CNTN3: variants seen among roughly 807,000 people sequenced by gnomAD.
The protein encoded by CNTN3 is contactin 3.
In CNTN3, 60 loss-of-function variants were observed where a neutral mutation model predicts 119.1. The ratio of observed to expected loss-of-function variants is 0.50; its 90% CI spans 0.41 to 0.62. The LOEUF (loss-of-function observed/expected upper bound fraction) is 0.62, where lower values mean the gene tolerates loss of function less well. CNTN3 is among the 20% of genes least tolerant of loss of function. The pLI is 0.00. For synonymous variants in CNTN3, 450 were observed against 438.7 expected, an observed-to-expected ratio of 1.03 and a Z score of -0.32; for missense variants, 1,101 against 1,242.4, an observed-to-expected ratio of 0.89 and a Z score of 1.71.
intron 22 of CNTN3, among the ~76,000 whole-genome samples, chr3:74,265,909 G>A (rs569832473): frequency 9.0e-4 from 137 of 152,082 alleles, no homozygotes; most frequent in Non-Finnish European, 1.6e-3. Flanking sequence ...GATAAAATAC[G>A]CAAACCAAAG....
chr3:74,610,017 A>G (rs1705054092), intron 1 of CNTN3, among the ~76,000 whole-genome samples: 1 of 152,104 alleles, frequency 6.6e-6, no homozygotes. Context: ...CTAAGGGATG[A>G]GTAGCAGTCA....
At chr3:74,564,120 T>C (rs1299554035) in intron 1 of CNTN3, among the ~76,000 whole-genome samples, 1 of 152,124 alleles carries the variant, frequency 6.6e-6, no homozygotes, top group East Asian at 1.9e-4. Context: ...TACTCTGGTG[T>C]GTACAATGCT....
At chr3:74,610,338 A>G (rs954136373) in intron 1 of CNTN3, among the ~76,000 whole-genome samples, 60 of 151,114 alleles carry the variant, frequency 4.0e-4, no homozygotes, top group Non-Finnish European at 6.8e-4. Context: ...ACAAAAATGA[A>G]AAAAAAAACC....
chr3:74,388,669 C>T (rs1161778277), intron 5 of CNTN3, among the ~76,000 whole-genome samples: 1 of 151,830 alleles, frequency 6.6e-6, no homozygotes, highest in African/African-American at 2.4e-5. Flanking sequence ...CACAATATAC[C>T]CTACCCTTTT....
chr3:74,369,261 C>A lies in CNTN3; in HGVS notation c.874G>T (p.Ala292Ser). The change falls in exon 8 of 23, where the codon GCA (alanine) becomes TCA (serine). Residue 292 changes from alanine (A) to serine (S), a missense_variant. Coordinates refer to ENST00000263665, the MANE Select transcript of CNTN3 (RefSeq NM_020872.3). ...LEIPNFQQED[A>S]GSYECIAENS... Reference sequence around the variant, plus strand: ...TCAGCAATGCATTCATAGGAACCTGCATCTTCCTGTTGGAAGTTGGGGATT... The same window carrying A: ...TCAGCAATGCATTCATAGGAACCTGAATCTTCCTGTTGGAAGTTGGGGATT... 6.2e-7 allele frequency: 1 copy of A among 1,611,614 alleles called. No homozygotes were observed. The highest frequency in any genetic ancestry group is 8.5e-7 in the Non-Finnish European group (1 of 1,178,830).
chr3:74,553,545 CCCA>C (rs1704024820), intron 1 of CNTN3, among the ~76,000 whole-genome samples: 2 of 152,286 alleles, frequency 1.3e-5, no homozygotes, highest in East Asian at 3.9e-4. Flanking sequence ...AATTTACACT[CCCA>C]CCAACAGTGT....
intron 1 of CNTN3, among the ~76,000 whole-genome samples, chr3:74,576,727 C>T (rs1704423879): frequency 6.6e-6 from 1 of 151,856 alleles, no homozygotes; most frequent in African/African-American, 2.4e-5. Flanking sequence ...AATCTCCTGA[C>T]CTGTAATGAT....
chr3:74,378,958 T>C (rs367559949), intron 5 of CNTN3, among the ~76,000 whole-genome samples: 28 of 152,324 alleles, frequency 1.8e-4, no homozygotes, highest in African/African-American at 6.5e-4. Flanking sequence ...TCTCTTGTTT[T>C]AGTCTCTGCT....
At chr3:74,574,528 T>A (rs933687350) in intron 1 of CNTN3, among the ~76,000 whole-genome samples, 4 of 152,160 alleles carry the variant, frequency 2.6e-5, no homozygotes, top group African/African-American at 9.7e-5. Context: ...CACGTTTAGG[T>A]TTAGTTTAAT....
At chr3:74,343,162 G>A (rs755942278) in intron 11 of CNTN3, among the ~76,000 whole-genome samples, 91 of 152,296 alleles carry the variant, frequency 6.0e-4, no homozygotes, top group Non-Finnish European at 1.1e-3. Flanking sequence ...CTGCTTAGAT[G>A]AGCGACAATG....
intron 5 of CNTN3, among the ~76,000 whole-genome samples, chr3:74,404,208 G>A (rs1224640679): frequency 6.6e-6 from 1 of 152,034 alleles, no homozygotes; most frequent in African/African-American, 2.4e-5. Flanking sequence ...ATCTTTATGA[G>A]GAGTTCTTTA....
chr3:74,568,602 A>AG (rs892887311), intron 1 of CNTN3, among the ~76,000 whole-genome samples: 10 of 152,202 alleles, frequency 6.6e-5, no homozygotes, highest in African/African-American at 2.4e-4. Context: ...AAGCTAAACA[A>AG]GGCCTACCTC....
At chr3:74,491,164 G>A (rs1174824667) in intron 3 of CNTN3, among the ~76,000 whole-genome samples, 3 of 152,038 alleles carry the variant, frequency 2.0e-5, no homozygotes, top group Non-Finnish European at 4.4e-5. Flanking sequence ...TCATATTTGG[G>A]ACTGATTTCT....
chr3:74,358,165 AAAC>A (rs1703984419), intron 11 of CNTN3, among the ~76,000 whole-genome samples: 1 of 152,182 alleles, frequency 6.6e-6, no homozygotes, highest in Non-Finnish European at 1.5e-5. Context: ...AAAAAGATAA[AAAC>A]AAAATTCAAA....
chr3:74,367,493 C>T (rs1704227964), intron 8 of CNTN3, among the ~76,000 whole-genome samples: 1 of 151,964 alleles, frequency 6.6e-6, no homozygotes, highest in African/African-American at 2.4e-5. Flanking sequence ...TTTCTCCTTG[C>T]CACTGATTGG....
At chr3:74,479,858 C>T (rs917442775) in intron 4 of CNTN3, among the ~76,000 whole-genome samples, 1 of 152,040 alleles carries the variant, frequency 6.6e-6, no homozygotes, top group Non-Finnish European at 1.5e-5. Flanking sequence ...TATCTGATTA[C>T]ATCTCAATAC....
chr3:74,440,972 C>T (rs1428077528), intron 4 of CNTN3, among the ~76,000 whole-genome samples: 1 of 152,050 alleles, frequency 6.6e-6, no homozygotes, highest in African/African-American at 2.4e-5. Context: ...CCATGAGAGT[C>T]CTGGAAACAA....
intron 1 of CNTN3, among the ~76,000 whole-genome samples, chr3:74,567,157 A>C (rs1205724356): frequency 6.6e-6 from 1 of 151,702 alleles, no homozygotes; most frequent in Non-Finnish European, 1.5e-5. Flanking sequence ...TTTTTAATTT[A>C]TTTGAGACAG....
chr3:74,541,542 T>C (rs1703843355), intron 1 of CNTN3, among the ~76,000 whole-genome samples: 1 of 152,092 alleles, frequency 6.6e-6, no homozygotes, highest in Non-Finnish European at 1.5e-5. Context: ...TTAACAATTG[T>C]AGAGTTACAT....
Sources: gnomAD v4.1 joint callset for allele counts (sites outside exome capture counted in the v4.1 genomes callset) on GRCh38, gnomAD v4.1.1 for gene constraint, MANE v1.5 for transcripts, NCBI Gene and HGNC (gene_info 2026-07-23, HGNC 2026-07-21) for gene names.